The following COL18A1 variants were observed in gnomAD, a reference collection of about 807,000 sequenced individuals.
The protein encoded by COL18A1 is collagen alpha-1(XVIII) chain.
A neutral mutation model predicts 168.0 loss-of-function variants in COL18A1; 133 were observed. The observed-to-expected ratio is 0.79, with a 90% CI of 0.69 to 0.91. The LOEUF (loss-of-function observed/expected upper bound fraction) is 0.91. COL18A1 is among the 40% of genes least tolerant of loss of function. The pLI is 0.00. For synonymous variants in COL18A1, 949 were observed against 809.0 expected (o/e 1.17, Z -2.94); for missense variants, 2,126 against 1,925.4 (o/e 1.10, Z -1.95).
chr21:45,450,955 C>G (rs917572318), intron 2 of COL18A1, among the ~76,000 whole-genome samples: 1 of 152,248 alleles, frequency 6.6e-6, no homozygotes, highest in African/African-American at 2.4e-5. Context: ...CCGGGTCCAC[C>G]AAGGCCAGGT....
At chr21:45,406,106 G>A (rs1485321008) in intron 2 of COL18A1, among the ~76,000 whole-genome samples, 3 of 152,204 alleles carry the variant, frequency 2.0e-5, no homozygotes, top group Non-Finnish European at 4.4e-5. Context: ...AACGGTGCGC[G>A]GGGCCCGTGG....
At position 45,443,206 on chromosome 21, in the gene COL18A1, C is replaced by T. The variant is rs942016151; in HGVS notation, c.107-25036C>T. On this transcript the variant is annotated intron_variant, in intron 2 of 41. Transcript: ENST00000651438. This position sits in a 1 kb window ranked among gnomAD's most constrained non-coding sequence, Gnocchi z 5.2. ...GAGGACAGCTGGGTCTTGCATCCAG[C>T]ACAGGTCCTGGTGCCTGGGAGGTGC... Among the ~76,000 whole-genome samples the T allele has an allele frequency of 1.3e-5, 2 of 151,164 alleles. No homozygotes were observed. The highest frequency in any genetic ancestry group is 4.9e-5 in the African/African-American group (2 of 40,774).
intron 2 of COL18A1, among the ~76,000 whole-genome samples, chr21:45,441,926 C>T (rs995220466): frequency 5.9e-5 from 9 of 152,244 alleles, no homozygotes; most frequent in African/African-American, 1.9e-4. Flanking sequence ...CATGGGGTCT[C>T]GGGGTCTCCC....
chr21:45,491,199 G>A (rs1215028090), intron 21 of COL18A1, 26 bp from the exon 22 acceptor site: 1 of 1,587,628 alleles, frequency 6.3e-7, no homozygotes, highest in East Asian at 2.2e-5. Context: ...GAGATGAAAT[G>A]CCGGACGCGT....
chr21:45,421,098 G>T, intron 2 of COL18A1: 1 of 275,768 alleles, frequency 3.6e-6, no homozygotes, highest in Non-Finnish European at 7.1e-6. Flanking sequence ...ACTGGTCCCT[G>T]CCCGGTACCG....
At chr21:45,426,550 C>T (rs144757662) in intron 2 of COL18A1, among the ~76,000 whole-genome samples, 3,380 of 152,344 alleles carry the variant, frequency 0.022, 56 homozygotes, top group Middle Eastern at 0.071. Flanking sequence ...CCCTGGAAGC[C>T]CCCGGAAACC....
At chr21:45,496,958 G>A in intron 30 of COL18A1, 92 bp from the exon 31 acceptor site, 1 of 833,518 alleles carries the variant, frequency 1.2e-6, no homozygotes, top group Non-Finnish European at 2.1e-6. Flanking sequence ...TCATACAGGG[G>A]CTGGTGCTTC....
At chr21:45,432,878 C>T (rs2145787150) in intron 2 of COL18A1, among the ~76,000 whole-genome samples, 2 of 152,342 alleles carry the variant, frequency 1.3e-5, no homozygotes, top group South Asian at 4.1e-4. Context: ...CCTCCACCCA[C>T]AGAAATCAAG....
In COL18A1 at chr21:45,510,099, C is replaced by A. The variant is rs376208451; in HGVS notation, c.3531C>A (p.Gly1177=). Reference sequence around the variant, plus strand: ...TTGCGCTCAACAGCCCCCTGTCAGGCGGCATGCGGGGCATCCGCGGGGCCG... The same window carrying A: ...TTGCGCTCAACAGCCCCCTGTCAGGAGGCATGCGGGGCATCCGCGGGGCCG... ...HLVALNSPLS[G]GMRGIRGADF... The change falls in exon 40 of 42, where the codon GGC becomes GGA. Residue 1177 remains glycine (G), a synonymous_variant. Transcript: ENST00000651438. 8 of 1,589,398 alleles carry A rather than the reference C, an allele frequency of 5.0e-6. No homozygotes were observed. Among genetic ancestry groups the A allele is most frequent in the Admixed American group, 3.5e-5 (2 of 57,800 alleles).
chr21:45,505,400 G>GA lies in COL18A1; in HGVS notation c.3056_3057insA (p.Pro1020AlafsTer67). On this transcript the variant is annotated frameshift_variant, in exon 36 of 42. Transcript: ENST00000651438. LOFTEE classifies it high-confidence loss of function. ...CCTCCGGGCCCCCCTGGGCCCCCTG[G>GA]GCCCCCTGGAACCATGGGCGCCTCC... 1 of 1,588,920 alleles carries GA rather than the reference G, an allele frequency of 6.3e-7. No homozygotes were observed. The highest frequency in any genetic ancestry group is 8.6e-7 in the Non-Finnish European group (1 of 1,162,884).
intron 2 of COL18A1, among the ~76,000 whole-genome samples, chr21:45,438,266 A>ACG (rs756454869): frequency 8.6e-6 from 1 of 115,976 alleles, no homozygotes; most frequent in Non-Finnish European, 1.8e-5. Context: ...ACACACTCAC[A>ACG]CTCAGACACA....
At chr21:45,406,323 C>T (rs2123487722) in intron 2 of COL18A1, among the ~76,000 whole-genome samples, 1 of 152,336 alleles carries the variant, frequency 6.6e-6, no homozygotes, top group Middle Eastern at 3.4e-3. Flanking sequence ...CGACTCGACT[C>T]CACACCTGCT....
Position 45,488,561 on chromosome 21 carries a change from A to C in COL18A1, c.1923+117A>C. ...TTTTCTGATGGCAGGAGTAGGATGA[A>C]TTCATCCTGGGAAGTTTGCAAAATA... is the stretch of plus-strand genomic sequence containing the variant. On this transcript the variant is annotated intron_variant, in intron 18 of 41. Coordinates refer to ENST00000651438, the MANE Select transcript of COL18A1 (RefSeq NM_001379500.1). 2.0e-6 allele frequency: 3 copies of C among 1,483,738 alleles called. No individual in the cohort carries two copies. In the South Asian group the frequency reaches 3.4e-5, roughly 17 times the overall value. The allele number at this position is 1,483,738 out of a possible 1,614,324, so 91.9% of individuals were successfully genotyped here.
rs775248850 is a variant in COL18A1 at position 45,480,767 on chromosome 21, G to A, written c.1520G>A (p.Arg507His). 1.5e-5 allele frequency: 24 copies of A among 1,611,086 alleles called. 1 individual carries two copies. The highest frequency in any genetic ancestry group is 8.3e-5 in the Admixed American group (5 of 59,964). The change falls in exon 13 of 42, where the codon CGC (arginine) becomes CAC (histidine). Residue 507 changes from arginine to histidine, a missense_variant. Coordinates refer to ENST00000651438, the MANE Select transcript of COL18A1 (RefSeq NM_001379500.1). ...CCAGGCCTGCCCGGCGAGCCAGGCC[G>A]CTTTGGGGTGAACAGCTCCGACGTC... ...GVPGLPGEPG[R>H]FGVNSSDVPG...
At chr21:45,456,402 A>C in intron 2 of COL18A1, 1 of 1,546,276 alleles carries the variant, frequency 6.5e-7, no homozygotes. Context: ...GCACTGTCTC[A>C]GGTCGCAGTC....
intron 2 of COL18A1, among the ~76,000 whole-genome samples, chr21:45,438,941 G>A (rs1407049609): frequency 1.3e-5 from 2 of 152,090 alleles, no homozygotes; most frequent in African/African-American, 2.4e-5. Flanking sequence ...AGGGGCTGCT[G>A]TGGGTCTGTG....
At chr21:45,441,344 C>G (rs893899559) in intron 2 of COL18A1, among the ~76,000 whole-genome samples, 4 of 152,200 alleles carry the variant, frequency 2.6e-5, no homozygotes, top group African/African-American at 9.7e-5. Context: ...AAGACGCTGC[C>G]CCTACTGTCC....
intron 2 of COL18A1, among the ~76,000 whole-genome samples, chr21:45,452,490 T>G (rs561333632): frequency 6.6e-6 from 1 of 151,174 alleles, no homozygotes; most frequent in African/African-American, 2.4e-5. Context: ...TGTTTCTGTA[T>G]GCATGTGTGT....
intron 19 of COL18A1, 85 bp downstream of exon 19, chr21:45,489,606 C>A: frequency 1.2e-6 from 1 of 840,546 alleles, no homozygotes. Flanking sequence ...CAGCTCGGGG[C>A]GGCCTTCCCC....
Sources: gnomAD v4.1 joint callset for allele counts (sites outside exome capture counted in the v4.1 genomes callset) on GRCh38, gnomAD v4.1.1 for gene constraint, Gnocchi (gnomAD v3.1) non-coding constraint, MANE v1.5 for transcripts, NCBI Gene and HGNC (gene_info 2026-07-23, HGNC 2026-07-21) for gene names.